The following CLCN3 variants were observed in gnomAD, a reference collection of about 807,000 sequenced individuals.
CLCN3 encodes the protein Cl-/H+ antiporter 3.
A neutral mutation model predicts 83.4 loss-of-function variants in CLCN3; 16 were observed. The ratio of observed to expected loss-of-function variants is 0.19; its 90% CI spans 0.13 to 0.29. CLCN3 has a LOEUF of 0.29. Ranked by LOEUF, CLCN3 falls within the 10% of genes least tolerant of loss-of-function variation. The probability of loss-of-function intolerance (pLI) is 1.00; values close to 1 mark genes in which losing one functional copy is unlikely to be tolerated. For synonymous variants in CLCN3, 322 were observed against 346.2 expected, an observed-to-expected ratio of 0.93 and a Z score of 0.78; for missense variants, 544 against 1,006.0, an observed-to-expected ratio of 0.54 and a Z score of 6.21.
chr4:169,720,433 G>T lies in CLCN3; in HGVS notation c.*436G>T. On this transcript the variant is annotated 3_prime_UTR_variant, in exon 13 of 13. Coordinates refer to ENST00000513761, the MANE Select transcript of CLCN3 (RefSeq NM_001829.4). ...AATTGAGCCATCTATAAAACTGCAA[G>T]GTCTTGCCCTTTTTTTTAATCAAAA... 1 of 167,922 alleles carries T rather than the reference G, an allele frequency of 6.0e-6. No individual in the cohort carries two copies. Among genetic ancestry groups the T allele is most frequent in the Non-Finnish European group, 1.3e-5 (1 of 78,570 alleles). 10.4% of individuals were successfully genotyped at this position (167,922 alleles called of 1,614,324 possible).
In CLCN3 at chr4:169,695,877, A is replaced by C. The variant is rs1440843886; in HGVS notation, c.1017+185A>C. 5.9e-5 allele frequency among the ~76,000 whole-genome samples: 9 copies of C among 152,236 alleles called. No individual in the cohort carries two copies. In the East Asian group the frequency reaches 1.7e-3, roughly 29 times the overall value. On this transcript the variant is annotated intron_variant, in intron 8 of 12. Transcript: ENST00000513761. ...TTATTCATGCTCCATACCTGGAGGA[A>C]ACTTTTTAAAAATTTATTAATGTAT... is the stretch of plus-strand genomic sequence containing the variant.
chr4:169,699,824 A>G (rs548728478), intron 9 of CLCN3, among the ~76,000 whole-genome samples: 2 of 152,194 alleles, frequency 1.3e-5, no homozygotes, highest in South Asian at 2.1e-4. Flanking sequence ...GGAGGTTGCA[A>G]TGAGCCAAGA....
At chr4:169,677,783 C>T (rs1731737182) in intron 2 of CLCN3, among the ~76,000 whole-genome samples, 1 of 152,216 alleles carries the variant, frequency 6.6e-6, no homozygotes, top group Non-Finnish European at 1.5e-5. Flanking sequence ...TGCATTCACA[C>T]ACTTCATCTT....
intron 2 of CLCN3, among the ~76,000 whole-genome samples, chr4:169,670,118 T>C (rs1731401838): frequency 6.6e-6 from 1 of 152,212 alleles, no homozygotes; most frequent in African/African-American, 2.4e-5. Flanking sequence ...CAGAAGCTCT[T>C]TAGTTTAATT....
At chr4:169,627,760 C>T (rs1030771592) in intron 1 of CLCN3, among the ~76,000 whole-genome samples, 3 of 152,124 alleles carry the variant, frequency 2.0e-5, no homozygotes, top group African/African-American at 7.2e-5. Context: ...ATTTCTTATA[C>T]ATTTGTTATT....
intron 4 of CLCN3, among the ~76,000 whole-genome samples, chr4:169,688,189 G>A (rs1294317538): frequency 6.6e-6 from 1 of 152,208 alleles, no homozygotes; most frequent in Non-Finnish European, 1.5e-5. Flanking sequence ...TGAGGAGACT[G>A]AAGCAGAAGA....
intron 2 of CLCN3, among the ~76,000 whole-genome samples, chr4:169,655,036 TC>T (rs1365432266): frequency 6.6e-6 from 1 of 152,240 alleles, no homozygotes; most frequent in Non-Finnish European, 1.5e-5. Flanking sequence ...GGTTATATCT[TC>T]CTGGTGAATT....
At position 169,703,994 on chromosome 4, in the gene CLCN3, A is replaced by G. The variant is rs749300464; in HGVS notation, c.1564-4A>G. On this transcript the variant is annotated splice_region_variant and splice_polypyrimidine_tract_variant and intron_variant, in intron 9 of 12. Transcript: ENST00000513761. The stretch of plus-strand genomic sequence containing the variant: ...CTCCATAAAGAGTTCTGTTGTTGTT[A>G]TAGGTTCCATCAGGCTTGTTCATCC... 6.2e-7 allele frequency: 1 copy of G among 1,613,786 alleles called. No individual in the cohort carries two copies. The highest frequency in any genetic ancestry group is 1.1e-5 in the South Asian group (1 of 91,076).
chr4:169,621,270 A>G (rs1023239895), intron 1 of CLCN3, among the ~76,000 whole-genome samples: 1 of 152,190 alleles, frequency 6.6e-6, no homozygotes, highest in African/African-American at 2.4e-5. Flanking sequence ...TGCTTCAGGA[A>G]CCGTCGAAGG....
chr4:169,719,869 C>A, intron 12 of CLCN3, 38 bp from the exon 13 acceptor site: 1 of 1,540,278 alleles, frequency 6.5e-7, no homozygotes, highest in Non-Finnish European at 8.8e-7. Context: ...TTTATTTTCC[C>A]TTTTATTTCA....
In CLCN3 at chr4:169,695,639, G is replaced by T; in HGVS notation, c.964G>T (p.Val322Phe). 1 of 1,613,592 alleles carries T rather than the reference G, an allele frequency of 6.2e-7. No homozygotes were observed. The change falls in exon 8 of 13, where the codon GTT becomes TTT. Residue 322 changes from valine to phenylalanine, a missense_variant. Physicochemically the swap from Val to Phe is conservative, Grantham distance 50. Coordinates refer to ENST00000513761, the MANE Select transcript of CLCN3 (RefSeq NM_001829.4). ...GCTATCAGCTGCCTCAGCTGCAGGG[G>T]TTTCTGTAGCTTTTGGTGCACCAAT... ...EVLSAASAAGVSVAFGAPIGG... is the reference protein window; with the variant it reads ...EVLSAASAAGFSVAFGAPIGG...
Position 169,723,431 on chromosome 4 carries a change from A to G in CLCN3, c.*3434A>G, listed in dbSNP as rs1176712922. On this transcript the variant is annotated 3_prime_UTR_variant, in exon 13 of 13. Transcript: ENST00000513761. ...TTTAGCGCCCCCATTTGTCAGTGAA[A>G]GCTGCAGGTCCACAGAAAACTGATT... 1 of 152,148 alleles carries G rather than the reference A, an allele frequency of 6.6e-6. No individual in the cohort carries two copies. The highest frequency in any genetic ancestry group is 1.5e-5 in the Non-Finnish European group (1 of 68,026). 9.4% of individuals were successfully genotyped at this position (152,148 alleles called of 1,614,324 possible).
intron 2 of CLCN3, among the ~76,000 whole-genome samples, chr4:169,649,522 A>C (rs903109373): frequency 6.6e-6 from 1 of 152,204 alleles, no homozygotes; most frequent in Non-Finnish European, 1.5e-5. Flanking sequence ...GAGAGATTCA[A>C]AATAGATTTA....
chr4:169,709,074 TTAATTATATAAA>T (rs1187223040), intron 11 of CLCN3, among the ~76,000 whole-genome samples: 1 of 148,278 alleles, frequency 6.7e-6, no homozygotes, highest in African/African-American at 2.4e-5. Context: ...TAATTTATAA[TTAATTATATAAA>T]TATTAACATA....
chr4:169,622,986 A>G (rs1773145270), intron 1 of CLCN3, among the ~76,000 whole-genome samples: 1 of 150,594 alleles, frequency 6.6e-6, no homozygotes, highest in Admixed American at 6.6e-5. Flanking sequence ...GTACATAAAC[A>G]TTGTAGCTGT....
At chr4:169,660,814 T>A (rs1156951511) in intron 2 of CLCN3, among the ~76,000 whole-genome samples, 2 of 152,196 alleles carry the variant, frequency 1.3e-5, no homozygotes, top group African/African-American at 4.8e-5. Context: ...TTTCCTTTAA[T>A]TTACACAGAG....
At chr4:169,685,181 A>G (rs776212061) in intron 3 of CLCN3, among the ~76,000 whole-genome samples, 3 of 152,088 alleles carry the variant, frequency 2.0e-5, no homozygotes, top group Non-Finnish European at 4.4e-5. Flanking sequence ...CCCTTGGAAT[A>G]GTTTCTTCTG....
chr4:169,699,107 A>G (rs1297191585), intron 9 of CLCN3, among the ~76,000 whole-genome samples: 2 of 152,172 alleles, frequency 1.3e-5, no homozygotes, highest in African/African-American at 4.8e-5. Flanking sequence ...ACGTAATGTA[A>G]TCACAGGTTC....
chr4:169,628,156 A>T (rs755026109), intron 1 of CLCN3, among the ~76,000 whole-genome samples: 3 of 152,234 alleles, frequency 2.0e-5, no homozygotes, highest in Non-Finnish European at 2.9e-5. Context: ...CTGTGCATGC[A>T]CAAATTAAAA....
Sources: gnomAD v4.1 joint callset for allele counts (sites outside exome capture counted in the v4.1 genomes callset) on GRCh38, gnomAD v4.1.1 for gene constraint, MANE v1.5 for transcripts, NCBI Gene and HGNC (gene_info 2026-07-23, HGNC 2026-07-21) for gene names.